The following NALCN variants were observed in gnomAD, a reference collection of about 807,000 sequenced individuals.
The protein encoded by NALCN is sodium leak channel, non-selective.
Under a neutral mutation model 225.3 loss-of-function variants are expected in NALCN, and 111 were observed. The ratio of observed to expected loss-of-function variants is 0.49; its 90% CI spans 0.42 to 0.58. The LOEUF (loss-of-function observed/expected upper bound fraction) is 0.58. Among genes scored for constraint, NALCN ranks in the 20% least tolerant of loss-of-function variants. The probability of loss-of-function intolerance (pLI) is 0.00; values close to 1 mark genes in which losing one functional copy is unlikely to be tolerated. For missense variants in NALCN, 1,378 were observed against 2,202.4 expected (o/e 0.63, Z 7.49); for synonymous variants, 764 against 769.0 (o/e 0.99, Z 0.11).
rs55651114 is a variant in NALCN at position 101,160,348 on chromosome 13, G to A, written c.1840-15452C>T. The stretch of plus-strand genomic sequence containing the variant: ...TCTGTGTCTCTTGCCTTTTATCTGC[G>A]CTTATCATAAAGCAGAGAGGTAAAG... On this transcript the variant is annotated intron_variant, in intron 15 of 43. Transcript: ENST00000251127. Among the ~76,000 whole-genome samples, 188 of 152,074 alleles carry A rather than the reference G, an allele frequency of 1.2e-3. 1 individual carries two copies. The highest frequency in any genetic ancestry group is 4.0e-3 in the African/African-American group (164 of 41,466).
At position 101,055,228 on chromosome 13, in the gene NALCN, T is replaced by A; in HGVS notation, c.*67A>T. On this transcript the variant is annotated 3_prime_UTR_variant, in exon 44 of 44. Transcript: ENST00000251127. The stretch of plus-strand genomic sequence containing the variant: ...TATAGATCAATTACAGATTGCTCAC[T>A]GGACAATCAAGGACATTATTAGAAA... 3 of 1,262,236 alleles carry A rather than the reference T, an allele frequency of 2.4e-6. No homozygotes were observed. The South Asian group carries it at 4.1e-5, about 17-fold the overall frequency. The allele number at this position is 1,262,236 out of a possible 1,614,324, so 78.2% of individuals were successfully genotyped here. A position where few individuals can be genotyped will look rare whatever the true frequency, so the allele number is the denominator to read the frequency against.
chr13:101,109,736 TG>T (rs2139642138), intron 20 of NALCN, among the ~76,000 whole-genome samples: 1 of 152,344 alleles, frequency 6.6e-6, no homozygotes, highest in African/African-American at 2.4e-5. Context: ...GTATAGCTGC[TG>T]GGCCATATAA....
rs77035346 is a variant in NALCN at position 101,109,116 on chromosome 13, T to G, written c.2365-1327A>C. 6.1e-3 allele frequency among the ~76,000 whole-genome samples: 927 copies of G among 152,356 alleles called. 8 individuals carry two copies. Among genetic ancestry groups the G allele is most frequent in the African/African-American group, 0.021 (880 of 41,592 alleles). ...TTGATTCTTAAGTAGGTTGTACATT[T>G]CGGTTGAAACATATTGAAGGCGCTT... On this transcript the variant is annotated intron_variant, in intron 20 of 43. Transcript: ENST00000251127.
In NALCN at chr13:101,284,000, G is replaced by A. The variant is rs771917442; in HGVS notation, c.1067C>T (p.Ala356Val). 6.2e-7 allele frequency: 1 copy of A among 1,613,368 alleles called. No homozygotes were observed. Among genetic ancestry groups the A allele is most frequent in the Non-Finnish European group, 8.5e-7 (1 of 1,179,762 alleles). ...ATTQMFHEDA[A>V]GGWQLVAVDV... ...CACAGCTACCAGCTGCCAACCTCCA[G>A]CAGCATCTTCATGAAACATCTTCAA... Residue 356 changes from alanine to valine, a missense_variant, in exon 10 of 44, where the codon GCT becomes GTT. Physicochemically the swap from Ala to Val is moderately conservative, Grantham distance 64. This residue lies in a region of NALCN where 144 missense variants were observed against 187.7 expected (regional missense o/e 0.77). Coordinates refer to ENST00000251127, the MANE Select transcript of NALCN (RefSeq NM_052867.4).
At chr13:101,240,409 G>A (rs1162376947) in intron 11 of NALCN, among the ~76,000 whole-genome samples, 1 of 151,242 alleles carries the variant, frequency 6.6e-6, no homozygotes, top group Non-Finnish European at 1.5e-5. Flanking sequence ...TAGTTCCAGT[G>A]GGAAGAAAAG....
intron 14 of NALCN, among the ~76,000 whole-genome samples, chr13:101,188,589 TAC>T (rs1431409652): frequency 2.6e-5 from 4 of 151,528 alleles, no homozygotes; most frequent in African/African-American, 9.7e-5. Flanking sequence ...TATACATATA[TAC>T]ACACACATAT....
intron 13 of NALCN, among the ~76,000 whole-genome samples, chr13:101,194,877 A>G (rs1207965356): frequency 6.6e-6 from 1 of 152,090 alleles, no homozygotes; most frequent in Non-Finnish European, 1.5e-5. Context: ...GGTGATGGTC[A>G]CCTGTAATCC....
At chr13:101,058,625 CA>C (rs1203778984) in intron 42 of NALCN, 1 of 151,362 alleles carries the variant, frequency 6.6e-6, no homozygotes, top group Non-Finnish European at 1.5e-5. Context: ...CCTTTCCTAA[CA>C]AAAGCCTTGG....
Position 101,124,626 on chromosome 13 carries a change from G to A in NALCN, c.2174C>T (p.Ala725Val), listed in dbSNP as rs202136771. ...RARNLLEKET[A>V]VTKILRACTR... ...GTGTTACCTTAAGATTTTAGTGACT[G>A]CGGTCTCCTTTTCCAGAAGGTTCCT... The change falls in exon 18 of 44, where the codon GCA becomes GTA. Residue 725 changes from alanine to valine, a missense_variant. Ala to Val is a moderately conservative substitution (Grantham distance 64). Around this residue, in one of 19 missense-constraint regions of NALCN, gnomAD observed 100 missense variants for 89.4 expected, o/e 1.12. Coordinates refer to ENST00000251127, the MANE Select transcript of NALCN (RefSeq NM_052867.4). 9.9e-6 allele frequency: 16 copies of A among 1,613,924 alleles called. No individual in the cohort carries two copies. In the Admixed American group the frequency reaches 1.2e-4, roughly 12 times the overall value.
At chr13:101,403,287 T>C (rs1438182300) in intron 1 of NALCN, among the ~76,000 whole-genome samples, 1 of 152,230 alleles carries the variant, frequency 6.6e-6, no homozygotes, top group Non-Finnish European at 1.5e-5. Context: ...TTTAACCTTA[T>C]GTTTCCAGGA....
intron 3 of NALCN, among the ~76,000 whole-genome samples, chr13:101,387,227 CAAAAAAA>C (rs747159185): frequency 3.4e-5 from 1 of 29,042 alleles, no homozygotes; most frequent in Non-Finnish European, 7.7e-5. Context: ...GACTCCGTCT[CAAAAAAA>C]AAAAAAAAAA....
intron 6 of NALCN, among the ~76,000 whole-genome samples, chr13:101,370,310 C>T (rs1179901819): frequency 2.0e-5 from 3 of 152,162 alleles, no homozygotes; most frequent in East Asian, 1.9e-4. Context: ...TTAAAAACTC[C>T]GCATTTAGGC....
At chr13:101,233,758 A>G (rs79620681) in intron 12 of NALCN, among the ~76,000 whole-genome samples, 1 of 152,166 alleles carries the variant, frequency 6.6e-6, no homozygotes, top group African/African-American at 2.4e-5. Context: ...TGAGAAACAA[A>G]TGAGACAATG....
chr13:101,066,308 C>CA (rs72260451), intron 39 of NALCN, among the ~76,000 whole-genome samples: 27,589 of 124,922 alleles, frequency 0.22, 3,122 homozygotes, highest in Non-Finnish European at 0.29. Context: ...GACTCCATCT[C>CA]AAAAAAAAAA....
intron 13 of NALCN, among the ~76,000 whole-genome samples, chr13:101,199,303 G>A (rs2040016866): frequency 6.6e-6 from 1 of 150,890 alleles, no homozygotes; most frequent in Admixed American, 6.6e-5. Flanking sequence ...AAAAGAGTTG[G>A]AAAAAATAAA....
chr13:101,207,051 C>T (rs368422399), intron 13 of NALCN, among the ~76,000 whole-genome samples: 10 of 152,142 alleles, frequency 6.6e-5, no homozygotes, highest in South Asian at 6.2e-4. Flanking sequence ...AATAATGCAA[C>T]AAAAAACATT....
chr13:101,233,820 T>A (rs1439349937), intron 12 of NALCN, among the ~76,000 whole-genome samples: 1 of 152,156 alleles, frequency 6.6e-6, no homozygotes, highest in Non-Finnish European at 1.5e-5. Context: ...CACCAGTCAA[T>A]ATCATCAGGA....
chr13:101,183,003 G>A (rs1280343908), intron 14 of NALCN, among the ~76,000 whole-genome samples: 8 of 152,212 alleles, frequency 5.3e-5, no homozygotes, highest in Admixed American at 5.2e-4. Flanking sequence ...TGAAAGAGCA[G>A]GTCGACCTGG....
chr13:101,395,276 T>C lies in NALCN; in HGVS notation c.198A>G (p.Pro66=), dbSNP rs2047256925. Residue 66 remains proline, a synonymous_variant, in exon 3 of 44, where the codon CCA becomes CCG. Coordinates refer to ENST00000251127, the MANE Select transcript of NALCN (RefSeq NM_052867.4). ...NTPMTFEHYP[P]LQYVTFTLDT... is the part of the protein sequence containing the mutation. The stretch of plus-strand genomic sequence containing the variant: ...CCAAAGTGAAGGTCACATACTGAAG[T>C]GGAGGATAGTGCTCGAAGGTCATTG... The C allele has an allele frequency of 6.2e-7, 1 of 1,613,884 alleles. No homozygotes were observed. Among genetic ancestry groups the C allele is most frequent in the African/African-American group, 1.3e-5 (1 of 74,886 alleles).
Sources: gnomAD v4.1 joint callset for allele counts (sites outside exome capture counted in the v4.1 genomes callset) on GRCh38, gnomAD v4.1.1 for gene constraint, gnomAD v4.1.1 regional missense constraint, MANE v1.5 for transcripts, NCBI Gene and HGNC (gene_info 2026-07-23, HGNC 2026-07-21) for gene names.